The following ZFHX3 variants were observed in gnomAD, a reference collection of about 807,000 sequenced individuals.
ZFHX3 encodes zinc finger homeobox protein 3.
Under a neutral mutation model 279.1 loss-of-function variants are expected in ZFHX3, and 42 were observed. The ratio of observed to expected loss-of-function variants is 0.15; its 90% CI spans 0.12 to 0.19. The LOEUF (loss-of-function observed/expected upper bound fraction) is 0.19, where lower values mean the gene tolerates loss of function less well. ZFHX3 is among the 10% of genes least tolerant of loss of function. The pLI is 1.00. For missense variants in ZFHX3, 4,981 were observed against 4,754.0 expected (o/e 1.05, Z -1.40); for synonymous variants, 2,293 against 1,957.8 (o/e 1.17, Z -4.52).
intron 1 of ZFHX3, among the ~76,000 whole-genome samples, chr16:73,885,657 T>C (rs773115906): frequency 3.3e-5 from 5 of 152,172 alleles, no homozygotes; most frequent in African/African-American, 9.6e-5. Context: ...TACTGAATAA[T>C]AATAAAAGCA....
chr16:72,959,238 T>C lies in ZFHX3; in HGVS notation c.908A>G (p.His303Arg), dbSNP rs750145538. The C allele has an allele frequency of 4.3e-6, 7 of 1,614,100 alleles. No homozygotes were observed. Among genetic ancestry groups the C allele is most frequent in the East Asian group, 2.2e-5 (1 of 44,894 alleles). The change falls in exon 2 of 10, where the codon CAT (histidine) becomes CGT (arginine). Residue 303 changes from histidine to arginine, a missense_variant. By Grantham distance (29) the His-to-Arg change is conservative. Transcript: ENST00000268489. The stretch of plus-strand genomic sequence containing the variant: ...TTCGCTCAGGGTCATTCGATGGTCA[T>C]GCACCGCGTGGGTCACAAACGAACG... ...YVRSFVTHAV[H>R]DHRMTLSEDE...
intron 5 of ZFHX3, among the ~76,000 whole-genome samples, chr16:73,197,321 C>G (rs1567415980): frequency 6.6e-6 from 1 of 151,934 alleles, no homozygotes; most frequent in Non-Finnish European, 1.5e-5. Flanking sequence ...TTGCTATATC[C>G]ACGGCATGAG....
intron 5 of ZFHX3, among the ~76,000 whole-genome samples, chr16:73,146,858 T>C (rs1966865927): frequency 6.6e-6 from 1 of 152,154 alleles, no homozygotes; most frequent in Non-Finnish European, 1.5e-5. Flanking sequence ...AATTTCGCCA[T>C]GTTGCCCAGG....
At chr16:73,372,669 A>T (rs188290063) in intron 3 of ZFHX3, among the ~76,000 whole-genome samples, 1 of 152,374 alleles carries the variant, frequency 6.6e-6, no homozygotes, top group East Asian at 1.9e-4. Flanking sequence ...GCTGCTCAGA[A>T]TAACCATGGC....
chr16:72,909,753 C>G (rs1198123789), intron 3 of ZFHX3, among the ~76,000 whole-genome samples: 1 of 151,684 alleles, frequency 6.6e-6, no homozygotes, highest in African/African-American at 2.4e-5. Context: ...TGGCGTGCAC[C>G]TGCAGTCCCA....
intron 1 of ZFHX3, among the ~76,000 whole-genome samples, chr16:73,773,468 C>T (rs1162039230): frequency 1.3e-5 from 2 of 152,192 alleles, no homozygotes; most frequent in Non-Finnish European, 2.9e-5. Flanking sequence ...TGAGCCAGGC[C>T]CTGGTCCTGT....
intron 2 of ZFHX3, among the ~76,000 whole-genome samples, chr16:73,585,688 T>C (rs1001658259): frequency 7.2e-5 from 11 of 152,160 alleles, no homozygotes; most frequent in African/African-American, 2.7e-4. Flanking sequence ...AAACTATGTG[T>C]GTGAAACTAA....
chr16:73,578,696 G>A (rs1027927031), intron 2 of ZFHX3, among the ~76,000 whole-genome samples: 4 of 151,928 alleles, frequency 2.6e-5, no homozygotes, highest in Non-Finnish European at 4.4e-5. Context: ...CACTCTACTC[G>A]TTTTGACTGA....
At chr16:72,851,290 A>T (rs1297255320) in intron 4 of ZFHX3, among the ~76,000 whole-genome samples, 1 of 152,118 alleles carries the variant, frequency 6.6e-6, no homozygotes, top group Non-Finnish European at 1.5e-5. Context: ...GCAATCCACG[A>T]AGTGACTTTA....
intron 4 of ZFHX3, among the ~76,000 whole-genome samples, chr16:73,277,576 C>G (rs1381729871): frequency 1.3e-5 from 2 of 152,166 alleles, no homozygotes; most frequent in African/African-American, 4.8e-5. Flanking sequence ...TAGATGTCTC[C>G]CAATGCAAGC....
chr16:73,002,204 G>A (rs1224298982), intron 1 of ZFHX3, among the ~76,000 whole-genome samples: 1 of 152,058 alleles, frequency 6.6e-6, no homozygotes, highest in African/African-American at 2.4e-5. Context: ...GACTCTTTAG[G>A]GATTCCAGGA....
chr16:73,481,472 T>C (rs534630219), intron 2 of ZFHX3, among the ~76,000 whole-genome samples: 1 of 152,288 alleles, frequency 6.6e-6, no homozygotes, highest in African/African-American at 2.4e-5. Flanking sequence ...TCTCACTCTA[T>C]TGCTCAGGTG....
rs372459825 is a variant in ZFHX3, at chr16:73,562,142, G to A, written c.-1546-105884C>T. ...GCTGCAGCAAAATATTTGGGATTTG[G>A]GCAATGCATTTTGGATCTGAATATT... On this transcript the variant is annotated intron_variant, in intron 2 of 17. Coordinates refer to the ZFHX3 transcript ENST00000641206. 5.8e-4 allele frequency among the ~76,000 whole-genome samples: 88 copies of A among 152,186 alleles called. 1 individual carries two copies. Among genetic ancestry groups the A allele is most frequent in the African/African-American group, 2.0e-3 (85 of 41,538 alleles).
intron 1 of ZFHX3, among the ~76,000 whole-genome samples, chr16:73,752,015 C>A (rs1294980987): frequency 6.6e-6 from 1 of 152,098 alleles, no homozygotes; most frequent in Non-Finnish European, 1.5e-5. Flanking sequence ...ACAAGGGGAA[C>A]AATGTTAAAA....
intron 3 of ZFHX3, among the ~76,000 whole-genome samples, chr16:72,940,019 C>G (rs1960333148): frequency 6.6e-6 from 1 of 152,140 alleles, no homozygotes; most frequent in Non-Finnish European, 1.5e-5. Flanking sequence ...AGCTGATCCT[C>G]CCACCTCAGT....
At chr16:73,088,072 C>A (rs1273506197) in intron 8 of ZFHX3, among the ~76,000 whole-genome samples, 1 of 152,172 alleles carries the variant, frequency 6.6e-6, no homozygotes, top group Non-Finnish European at 1.5e-5. Context: ...AGGTGATTCA[C>A]CCGCCTTAAC....
intron 1 of ZFHX3, among the ~76,000 whole-genome samples, chr16:73,729,559 A>ACC (rs2053551488): frequency 7.6e-6 from 1 of 132,202 alleles, no homozygotes; most frequent in African/African-American, 2.7e-5. Context: ...CAAACCAAAA[A>ACC]AAAAAAAAAA....
intron 1 of ZFHX3, among the ~76,000 whole-genome samples, chr16:73,760,960 T>C (rs1043273147): frequency 2.0e-5 from 3 of 150,934 alleles, no homozygotes; most frequent in Non-Finnish European, 4.4e-5. Context: ...AACATAGTAT[T>C]TGGAAGCTCT....
intron 2 of ZFHX3, among the ~76,000 whole-genome samples, chr16:73,471,921 G>T (rs1441969827): frequency 1.3e-5 from 2 of 152,132 alleles, no homozygotes; most frequent in South Asian, 4.1e-4. Flanking sequence ...CAAGCCCGCT[G>T]CATGGTGGTG....
Sources: allele counts gnomAD v4.1 joint callset (sites outside exome capture counted in the v4.1 genomes callset), GRCh38; gene constraint gnomAD v4.1.1; transcripts MANE v1.5; gene names NCBI Gene and HGNC (gene_info 2026-07-23, HGNC 2026-07-21).